NAALADL2: variants seen among roughly 807,000 people sequenced by gnomAD.
NAALADL2 encodes the protein inactive N-acetylated-alpha-linked acidic dipeptidase-like protein 2.
In NAALADL2, 76 loss-of-function variants were observed where a neutral mutation model predicts 87.2. That is an observed-to-expected ratio of 0.87 (90% CI 0.72 to 1.05). The LOEUF is 1.05. NAALADL2 is among the 50% of genes least tolerant of loss of function. NAALADL2 has a pLI of 0.00. For missense variants in NAALADL2, 1,089 were observed against 945.8 expected (o/e 1.15, Z -1.99); for synonymous variants, 354 against 331.0 (o/e 1.07, Z -0.75).
chr3:175,100,255 C>G (rs1383524055), intron 2 of NAALADL2, among the ~76,000 whole-genome samples: 1 of 151,622 alleles, frequency 6.6e-6, no homozygotes, highest in Non-Finnish European at 1.5e-5. Context: ...AGAGTATGGC[C>G]CCAGAGATGA....
intron 1 of NAALADL2, among the ~76,000 whole-genome samples, chr3:175,013,170 AT>A (rs1750265138): frequency 1.1e-5 from 1 of 93,198 alleles, no homozygotes; most frequent in Admixed American, 1.3e-4. Flanking sequence ...TAAATATGTA[AT>A]ACATATTTAT....
rs111929815 is a variant in NAALADL2, at chr3:174,783,629, T to A, written c.-9+45883T>A. ...CCACAAGGCTTTAATATATATATAT[T>A]TTTATTTTGAATACCTGAGTGAGTG... On this transcript the variant is annotated intron_variant, in intron 3 of 3. Coordinates refer to the NAALADL2 transcript ENST00000434257. Among the ~76,000 whole-genome samples, 33 of 152,188 alleles carry A rather than the reference T, an allele frequency of 2.2e-4. 1 individual carries two copies. Among genetic ancestry groups the A allele is most frequent in the African/African-American group, 5.5e-4 (23 of 41,534 alleles).
At chr3:175,251,180 C>T (rs781450116) in intron 3 of NAALADL2, among the ~76,000 whole-genome samples, 3 of 152,182 alleles carry the variant, frequency 2.0e-5, no homozygotes, top group South Asian at 4.1e-4. Flanking sequence ...CACAGCTCTG[C>T]GTATGTGGCC....
At chr3:175,258,838 C>A (rs1048863990) in intron 4 of NAALADL2, among the ~76,000 whole-genome samples, 1 of 152,042 alleles carries the variant, frequency 6.6e-6, no homozygotes, top group African/African-American at 2.4e-5. Context: ...TAAATAAATA[C>A]AAAAATAAAT....
intron 10 of NAALADL2, among the ~76,000 whole-genome samples, chr3:175,590,923 G>C (rs922588319): frequency 6.6e-6 from 1 of 152,108 alleles, no homozygotes; most frequent in Non-Finnish European, 1.5e-5. Context: ...AGGGATGAAG[G>C]GGGGTGCGAA....
At chr3:175,301,653 G>A (rs1352061135) in intron 4 of NAALADL2, among the ~76,000 whole-genome samples, 1 of 152,116 alleles carries the variant, frequency 6.6e-6, no homozygotes, top group Non-Finnish European at 1.5e-5. Context: ...CAGAATTTTG[G>A]CAGGATTGAT....
At chr3:175,078,825 T>C (rs1717160711) in intron 1 of NAALADL2, among the ~76,000 whole-genome samples, 1 of 152,228 alleles carries the variant, frequency 6.6e-6, no homozygotes, top group African/African-American at 2.4e-5. Context: ...ATTTTATTTA[T>C]CCTTCCGTCA....
At chr3:174,608,622 G>T (rs936566312) in intron 2 of NAALADL2, among the ~76,000 whole-genome samples, 4 of 152,222 alleles carry the variant, frequency 2.6e-5, no homozygotes, top group Admixed American at 2.6e-4. Flanking sequence ...GGAAGAAGTT[G>T]AATCCCTGAA....
intron 3 of NAALADL2, among the ~76,000 whole-genome samples, chr3:174,815,188 G>A (rs569868871): frequency 3.3e-5 from 5 of 152,198 alleles, no homozygotes; most frequent in Non-Finnish European, 5.9e-5. Context: ...GTATTAGTTT[G>A]CCAGAGCTGT....
chr3:175,634,452 A>G (rs997204692), intron 11 of NAALADL2, among the ~76,000 whole-genome samples: 1 of 151,988 alleles, frequency 6.6e-6, no homozygotes, highest in African/African-American at 2.4e-5. Flanking sequence ...GGCAGACTAA[A>G]CTGTAGAATA....
intron 11 of NAALADL2, among the ~76,000 whole-genome samples, chr3:175,651,430 G>A (rs1357897152): frequency 6.6e-6 from 1 of 152,086 alleles, no homozygotes; most frequent in African/African-American, 2.4e-5. Context: ...ATGAGCTTTG[G>A]TGAGAAGTGA....
At chr3:174,943,396 G>T (rs998189173) in intron 1 of NAALADL2, among the ~76,000 whole-genome samples, 19 of 152,084 alleles carry the variant, frequency 1.2e-4, no homozygotes, top group Non-Finnish European at 2.5e-4. Flanking sequence ...CAGTTGTGTG[G>T]CTCCCCTGTG....
intron 11 of NAALADL2, among the ~76,000 whole-genome samples, chr3:175,639,636 A>T (rs889649425): frequency 1.3e-5 from 2 of 152,110 alleles, no homozygotes; most frequent in Admixed American, 6.6e-5. Context: ...ATTTTTAAGT[A>T]TACAGAGAAT....
At position 174,884,919 on chromosome 3, in the gene NAALADL2, A is replaced by G. The variant is rs965615480; in HGVS notation, c.43+25469A>G. On this transcript the variant is annotated intron_variant, in intron 1 of 13. Transcript: ENST00000454872. ...TGGGGGTGGCTCCTGAGGAGAATCCACATTTTCTTGCCTGGAAACTGCCTC... is the reference window on the plus strand; with the variant it reads ...TGGGGGTGGCTCCTGAGGAGAATCCGCATTTTCTTGCCTGGAAACTGCCTC... Among the ~76,000 whole-genome samples the G allele has an allele frequency of 1.1e-4, 17 of 152,050 alleles. 1 individual carries two copies. The highest frequency in any genetic ancestry group is 9.8e-4 in the Admixed American group (15 of 15,274).
At chr3:175,244,333 C>T (rs1371211020) in intron 3 of NAALADL2, among the ~76,000 whole-genome samples, 1 of 152,010 alleles carries the variant, frequency 6.6e-6, no homozygotes, top group Non-Finnish European at 1.5e-5. Context: ...TTATTTTATT[C>T]GTTCTCATGT....
chr3:175,021,934 A>C (rs1253919629), intron 1 of NAALADL2, among the ~76,000 whole-genome samples: 1 of 151,810 alleles, frequency 6.6e-6, no homozygotes, highest in African/African-American at 2.4e-5. Context: ...GCCCGGTGGG[A>C]GGTGTTTAGG....
At chr3:174,520,022 T>G (rs918154995) in intron 1 of NAALADL2, among the ~76,000 whole-genome samples, 2 of 152,158 alleles carry the variant, frequency 1.3e-5, no homozygotes, top group Non-Finnish European at 2.9e-5. Flanking sequence ...GTGAAAGATC[T>G]GTACAAGGAG....
At chr3:175,047,409 G>A (rs2109001673) in intron 1 of NAALADL2, among the ~76,000 whole-genome samples, 1 of 151,976 alleles carries the variant, frequency 6.6e-6, no homozygotes, top group East Asian at 1.9e-4. Context: ...TTCTTCTCTG[G>A]TTGATAGGTC....
At chr3:174,915,153 A>T (rs1420473639) in intron 1 of NAALADL2, among the ~76,000 whole-genome samples, 1 of 152,208 alleles carries the variant, frequency 6.6e-6, no homozygotes, top group Non-Finnish European at 1.5e-5. Context: ...TGTAAAGCTT[A>T]GAAAACATTT....
Sources: allele counts gnomAD v4.1 joint callset (sites outside exome capture counted in the v4.1 genomes callset), GRCh38; gene constraint gnomAD v4.1.1; transcripts MANE v1.5; gene names NCBI Gene and HGNC (gene_info 2026-07-23, HGNC 2026-07-21).